Variants in CENPP observed in about 807,000 individuals in gnomAD.
The protein encoded by CENPP is centromere protein P.
CENPP carries 24 observed loss-of-function variants against 35.6 expected under a neutral mutation model. The ratio of observed to expected loss-of-function variants is 0.67; its 90% CI spans 0.49 to 0.95. The LOEUF (loss-of-function observed/expected upper bound fraction) is 0.95, where lower values mean the gene tolerates loss of function less well. Among genes scored for constraint, CENPP ranks in the 40% least tolerant of loss-of-function variants. CENPP has a pLI of 0.00. For missense variants in CENPP, 332 were observed against 345.3 expected (o/e 0.96, Z 0.31); for synonymous variants, 120 against 125.5 (o/e 0.96, Z 0.29).
At chr9:92,551,146 G>A (rs1232735532) in intron 5 of CENPP, among the ~76,000 whole-genome samples, 1 of 152,140 alleles carries the variant, frequency 6.6e-6, no homozygotes, top group African/African-American at 2.4e-5. Flanking sequence ...TGGCCAAGCG[G>A]AGCCCATGTC....
At chr9:92,452,770 T>C (rs919967948) in intron 5 of CENPP, among the ~76,000 whole-genome samples, 2 of 152,212 alleles carry the variant, frequency 1.3e-5, no homozygotes, top group Non-Finnish European at 2.9e-5. Context: ...ATTGCCACAA[T>C]TTCAGAGTCT....
intron 4 of CENPP, among the ~76,000 whole-genome samples, chr9:92,349,188 T>C (rs1339956410): frequency 6.6e-6 from 1 of 152,212 alleles, no homozygotes; most frequent in Non-Finnish European, 1.5e-5. Context: ...TCTATTAACC[T>C]ATCTGCAACT....
At chr9:92,396,261 A>G (rs1357192887) in intron 5 of CENPP, among the ~76,000 whole-genome samples, 5 of 151,978 alleles carry the variant, frequency 3.3e-5, no homozygotes, top group Non-Finnish European at 7.4e-5. Flanking sequence ...TGATTCCTGT[A>G]CCTTTGTAAC....
intron 5 of CENPP, among the ~76,000 whole-genome samples, chr9:92,439,666 A>G (rs568565431): frequency 3.3e-5 from 5 of 152,238 alleles, no homozygotes; most frequent in East Asian, 3.9e-4. Flanking sequence ...TTGTCTTCCT[A>G]TTATTTTATG....
intron 5 of CENPP, among the ~76,000 whole-genome samples, chr9:92,519,956 A>G (rs973427231): frequency 1.3e-5 from 2 of 150,842 alleles, no homozygotes; most frequent in East Asian, 3.9e-4. Context: ...AACTCTTACA[A>G]CTCAACTACA....
intron 5 of CENPP, chr9:92,514,821 G>A (rs1554679580): frequency 1.3e-5 from 21 of 1,612,452 alleles, no homozygotes; most frequent in Middle Eastern, 1.6e-4. Flanking sequence ...GGTCCTCCTC[G>A]TCCTCCTCAT....
chr9:92,388,183 G>A (rs1318156435), intron 5 of CENPP, among the ~76,000 whole-genome samples: 1 of 151,576 alleles, frequency 6.6e-6, no homozygotes, highest in East Asian at 2.0e-4. Context: ...TTTGGAGACT[G>A]AATCTTGCTC....
intron 4 of CENPP, among the ~76,000 whole-genome samples, chr9:92,352,664 G>C (rs1240366674): frequency 6.6e-6 from 1 of 150,740 alleles, no homozygotes; most frequent in Non-Finnish European, 1.5e-5. Flanking sequence ...GGAATTCAGT[G>C]TTCAAGGACA....
At chr9:92,576,836 T>C (rs570389878) in intron 5 of CENPP, among the ~76,000 whole-genome samples, 16 of 152,244 alleles carry the variant, frequency 1.1e-4, no homozygotes, top group African/African-American at 3.9e-4. Context: ...ATAAGTAGTA[T>C]GTATGGCAGG....
At chr9:92,610,078 C>T (rs1020847708) in intron 5 of CENPP, among the ~76,000 whole-genome samples, 5 of 150,846 alleles carry the variant, frequency 3.3e-5, no homozygotes, top group African/African-American at 7.3e-5. Flanking sequence ...TGTTTTGAGA[C>T]GGAGTCTTGC....
chr9:92,352,505 G>GTGTGTATATATATATA, intron 4 of CENPP, among the ~76,000 whole-genome samples: 9 of 49,748 alleles, frequency 1.8e-4, no homozygotes, highest in South Asian at 6.5e-4. Context: ...GTGTGTGTGT[G>GTGTGTATATATATATA]TATACATATA....
At chr9:92,533,328 A>AAAAAAAAAAATATATATATATATATAT (rs1554683138) in intron 5 of CENPP, among the ~76,000 whole-genome samples, 1 of 38,332 alleles carries the variant, frequency 2.6e-5, no homozygotes, top group African/African-American at 1.5e-4. Context: ...AAAAAAAAAA[A>AAAAAAAAAAATATATATATATATATAT]ATATATATAT....
chr9:92,504,871 G>A (rs1308994171), intron 5 of CENPP, among the ~76,000 whole-genome samples: 1 of 152,214 alleles, frequency 6.6e-6, no homozygotes, highest in East Asian at 1.9e-4. Context: ...AATGAGGGGT[G>A]TTGACATTCA....
chr9:92,567,381 T>TATATATATATATATATATATAG (rs1564005527), intron 5 of CENPP, among the ~76,000 whole-genome samples: 1 of 80,208 alleles, frequency 1.2e-5, no homozygotes, highest in Non-Finnish European at 2.2e-5. Flanking sequence ...TAGATATATA[T>TATATATATATATATATATATAG]ATATATATAT....
intron 5 of CENPP, among the ~76,000 whole-genome samples, chr9:92,434,935 C>T (rs898251568): frequency 1.3e-5 from 2 of 152,020 alleles, no homozygotes; most frequent in Non-Finnish European, 2.9e-5. Context: ...GCCTGTAATC[C>T]CAGCTACTCA....
intron 1 of CENPP, among the ~76,000 whole-genome samples, chr9:92,331,412 C>T (rs888967770): frequency 6.6e-6 from 1 of 151,512 alleles, no homozygotes; most frequent in African/African-American, 2.4e-5. Flanking sequence ...GATCTCCTGA[C>T]CGCGTGATCC....
At chr9:92,607,689 G>A (rs999601669) in intron 5 of CENPP, among the ~76,000 whole-genome samples, 5 of 152,170 alleles carry the variant, frequency 3.3e-5, no homozygotes, top group African/African-American at 1.2e-4. Context: ...TTAAACTCAG[G>A]ATTCAAGGTT....
chr9:92,365,090 G>T (rs1303112614), intron 4 of CENPP, among the ~76,000 whole-genome samples: 1 of 152,126 alleles, frequency 6.6e-6, no homozygotes, highest in Non-Finnish European at 1.5e-5. Context: ...GTGAACAAAA[G>T]AAAAGCCCGT....
At chr9:92,449,190 C>T (rs1844629995) in intron 5 of CENPP, among the ~76,000 whole-genome samples, 1 of 152,050 alleles carries the variant, frequency 6.6e-6, no homozygotes, top group Admixed American at 6.6e-5. Flanking sequence ...AGCCTGTAAT[C>T]CCAGCACTTT....
Sources: gnomAD v4.1 joint callset for allele counts (sites outside exome capture counted in the v4.1 genomes callset) on GRCh38, gnomAD v4.1.1 for gene constraint, MANE v1.5 for transcripts, NCBI Gene and HGNC (gene_info 2026-07-23, HGNC 2026-07-21) for gene names.